SAP130: variants seen among roughly 807,000 people sequenced by gnomAD.
The protein encoded by SAP130 is Sin3A associated protein 130.
Under a neutral mutation model 103.2 loss-of-function variants are expected in SAP130, and 16 were observed. The observed-to-expected ratio is 0.16, with a 90% CI of 0.10 to 0.24. The LOEUF (loss-of-function observed/expected upper bound fraction) is 0.24. Among genes scored for constraint, SAP130 ranks in the 10% least tolerant of loss-of-function variants. The pLI is 1.00. For missense variants in SAP130, 990 were observed against 1,359.7 expected (o/e 0.73, Z 4.28); for synonymous variants, 477 against 497.0 (o/e 0.96, Z 0.53).
intron 14 of SAP130, among the ~76,000 whole-genome samples, chr2:127,979,016 G>C (rs1367606901): frequency 1.3e-5 from 2 of 152,098 alleles, no homozygotes; most frequent in Non-Finnish European, 2.9e-5. Context: ...CTTGAAAAAA[G>C]GGCCTTTGCA....
At chr2:127,945,019 CT>C (rs1403546015) in intron 19 of SAP130, among the ~76,000 whole-genome samples, 1 of 151,904 alleles carries the variant, frequency 6.6e-6, no homozygotes, top group East Asian at 1.9e-4. Context: ...ATACTGGAAG[CT>C]GGCAGGGAAC....
intron 2 of SAP130, among the ~76,000 whole-genome samples, chr2:128,025,371 C>T (rs1041280957): frequency 5.3e-5 from 8 of 152,298 alleles, no homozygotes; most frequent in African/African-American, 1.9e-4. Context: ...ATCACCTCCC[C>T]AAACACCTGT....
rs757142451 is a variant in SAP130, at chr2:127,950,207, A to G, written c.2624T>C (p.Leu875Pro). The change falls in exon 17 of 21, where the codon CTT (leucine) becomes CCT (proline). Residue 875 changes from leucine to proline, a missense_variant. By Grantham distance (98) the Leu-to-Pro change is moderately conservative. Coordinates refer to ENST00000643581, the MANE Select transcript of SAP130 (RefSeq NM_001330301.2). ...CTTGCGCTTCTCAGCCTTCACCAGA[A>G]GACTCTTGGCAGTGGACTTCTCATC... ...TDDEKSTAKSLLVKAEKRKSP... is the reference protein window; with the variant it reads ...TDDEKSTAKSPLVKAEKRKSP... The G allele has an allele frequency of 1.9e-6, 3 of 1,614,178 alleles. No individual in the cohort carries two copies. The highest frequency in any genetic ancestry group is 4.5e-5 in the East Asian group (2 of 44,894).
At chr2:127,945,427 T>C (rs766558521) in intron 19 of SAP130, 29 bp downstream of exon 19, 7 of 1,338,758 alleles carry the variant, frequency 5.2e-6, no homozygotes, top group Non-Finnish European at 7.5e-6. Flanking sequence ...CTCTTCAGCA[T>C]GATGAACAAC....
chr2:128,011,602 A>G (rs949790526), intron 6 of SAP130, among the ~76,000 whole-genome samples: 1 of 152,176 alleles, frequency 6.6e-6, no homozygotes, highest in Non-Finnish European at 1.5e-5. Flanking sequence ...TATGTATCAC[A>G]TATACTACTA....
chr2:127,967,677 T>G (rs2104847036), intron 15 of SAP130, among the ~76,000 whole-genome samples: 1 of 152,306 alleles, frequency 6.6e-6, no homozygotes, highest in East Asian at 1.9e-4. Flanking sequence ...ATTACAGGCG[T>G]GAGCCACTGT....
chr2:127,966,113 C>T (rs572831790), intron 15 of SAP130, among the ~76,000 whole-genome samples: 2 of 152,200 alleles, frequency 1.3e-5, no homozygotes, highest in Admixed American at 6.6e-5. Flanking sequence ...GAGGCTGAGG[C>T]GGGCGGATCA....
chr2:127,964,494 C>CAAAAAAAAAAAAAAAA, intron 15 of SAP130, among the ~76,000 whole-genome samples: 1 of 69,902 alleles, frequency 1.4e-5, no homozygotes, highest in Non-Finnish European at 2.6e-5. Flanking sequence ...AACTCCATCT[C>CAAAAAAAAAAAAAAAA]AAAAAAAAAA....
At chr2:127,971,190 C>A (rs557223459) in intron 15 of SAP130, among the ~76,000 whole-genome samples, 3 of 152,080 alleles carry the variant, frequency 2.0e-5, no homozygotes, top group Non-Finnish European at 2.9e-5. Flanking sequence ...CGGGCTCCCC[C>A]CATCTGTTGA....
At chr2:127,998,954 G>A (rs1006953351) in intron 10 of SAP130, among the ~76,000 whole-genome samples, 3 of 152,272 alleles carry the variant, frequency 2.0e-5, no homozygotes, top group African/African-American at 7.2e-5. Flanking sequence ...ATGGCAATAT[G>A]GACAATTTAC....
intron 2 of SAP130, among the ~76,000 whole-genome samples, chr2:128,023,621 A>T (rs1685296661): frequency 6.6e-6 from 1 of 152,130 alleles, no homozygotes; most frequent in Non-Finnish European, 1.5e-5. Flanking sequence ...CTACTAAAAA[A>T]TACAAAAAAT....
chr2:127,972,998 C>T (rs1156574069), intron 15 of SAP130, among the ~76,000 whole-genome samples: 1 of 152,116 alleles, frequency 6.6e-6, no homozygotes, highest in Non-Finnish European at 1.5e-5. Flanking sequence ...CTAACTGTGG[C>T]ACCAACACAC....
At chr2:127,974,462 C>T (rs541459656) in intron 15 of SAP130, among the ~76,000 whole-genome samples, 4 of 76,886 alleles carry the variant, frequency 5.2e-5, no homozygotes, top group Non-Finnish European at 6.1e-5. Context: ...TATAGTCATG[C>T]AGCACATAAG....
Position 127,986,693 on chromosome 2 carries a change from G to A in SAP130, c.1958+92C>T, listed in dbSNP as rs1341799834. The stretch of plus-strand genomic sequence containing the variant: ...ACACACCACAGAAAATGAGAGATGA[G>A]TTTGATACCAGCATTAGATAAGAGT... On this transcript the variant is annotated intron_variant, in intron 14 of 20. Transcript: ENST00000643581. This position sits in a 1 kb window ranked among gnomAD's most constrained non-coding sequence, Gnocchi z 4.7. 7.5e-6 allele frequency: 10 copies of A among 1,340,594 alleles called. No homozygotes were observed. The highest frequency in any genetic ancestry group is 1.0e-5 in the Non-Finnish European group (10 of 964,630). 83.0% of individuals were successfully genotyped at this position (1,340,594 alleles called of 1,614,324 possible).
At chr2:128,011,981 T>C (rs1172713900) in intron 6 of SAP130, among the ~76,000 whole-genome samples, 1 of 152,104 alleles carries the variant, frequency 6.6e-6, no homozygotes, top group Non-Finnish European at 1.5e-5. Context: ...CCCAGCTAAT[T>C]TTTTGGCATT....
rs1201922558 is a variant in SAP130, at chr2:127,977,834, A to G, written c.2063+151T>C. 6 of 629,978 alleles carry G rather than the reference A, an allele frequency of 9.5e-6. No homozygotes were observed. In the East Asian group the frequency reaches 1.7e-4, roughly 18 times the overall value. 39.0% of individuals were successfully genotyped at this position (629,978 alleles called of 1,614,324 possible). ...GAGTTCAAGGCTGTCGTGTGTTACAATTTTCTATGATGGCGGCTGAGAATA... is the reference window on the plus strand; with the variant it reads ...GAGTTCAAGGCTGTCGTGTGTTACAGTTTTCTATGATGGCGGCTGAGAATA... On this transcript the variant is annotated intron_variant, in intron 15 of 20. Coordinates refer to ENST00000643581, the MANE Select transcript of SAP130 (RefSeq NM_001330301.2).
chr2:127,959,482 T>A (rs1018021070), intron 15 of SAP130, among the ~76,000 whole-genome samples: 2 of 152,182 alleles, frequency 1.3e-5, no homozygotes, highest in Non-Finnish European at 2.9e-5. Flanking sequence ...ATCCCACTAC[T>A]CATGTGGTAT....
intron 10 of SAP130, among the ~76,000 whole-genome samples, chr2:127,997,960 A>G (rs1683285216): frequency 6.6e-6 from 1 of 152,088 alleles, no homozygotes; most frequent in Non-Finnish European, 1.5e-5. Context: ...CTAAAAAGAC[A>G]AAAATCAGCC....
chr2:128,016,962 T>A (rs1205164949), intron 3 of SAP130, among the ~76,000 whole-genome samples: 2 of 152,164 alleles, frequency 1.3e-5, no homozygotes, highest in Non-Finnish European at 2.9e-5. Context: ...AACCAGTTAT[T>A]AAAACAAACC....
Sources: gnomAD v4.1 joint callset for allele counts (sites outside exome capture counted in the v4.1 genomes callset) on GRCh38, gnomAD v4.1.1 for gene constraint, Gnocchi (gnomAD v3.1) non-coding constraint, MANE v1.5 for transcripts, NCBI Gene and HGNC (gene_info 2026-07-23, HGNC 2026-07-21) for gene names.